The following PARP14 variants were observed in gnomAD, a reference collection of about 807,000 sequenced individuals.
The protein encoded by PARP14 is protein mono-ADP-ribosyltransferase PARP14.
In PARP14, 59 loss-of-function variants were observed where a neutral mutation model predicts 154.2. The observed-to-expected ratio is 0.38, with a 90% CI of 0.31 to 0.48. The LOEUF (loss-of-function observed/expected upper bound fraction) is 0.48. PARP14 is among the 20% of genes least tolerant of loss of function. The pLI is 0.98. For synonymous variants in PARP14, 720 were observed against 780.5 expected, an observed-to-expected ratio of 0.92 and a Z score of 1.29; for missense variants, 1,734 against 2,131.6, an observed-to-expected ratio of 0.81 and a Z score of 3.67.
chr3:122,725,081 T>C (rs192526722), intron 15 of PARP14, among the ~76,000 whole-genome samples: 2 of 152,336 alleles, frequency 1.3e-5, no homozygotes, highest in East Asian at 3.9e-4. Flanking sequence ...ATCTGTTCTC[T>C]CTTTTCCCCA....
Position 122,700,069 on chromosome 3 carries a change from T to G in PARP14, c.1515T>G (p.Thr505=), listed in dbSNP as rs562380859. Residue 505 remains threonine (T), a synonymous_variant, in exon 6 of 17, where the codon ACT becomes ACG. Transcript: ENST00000474629. ...TAGAGATTTGTTACGATAGAGTCAC[T>G]CAACACTTGTGCTTGAAAGGACCTA... ...PEIEICYDRV[T]QHLCLKGPSA... is the part of the protein sequence containing the mutation. 6.2e-7 allele frequency: 1 copy of G among 1,613,868 alleles called. No homozygotes were observed. The highest frequency in any genetic ancestry group is 2.2e-5 in the East Asian group (1 of 44,882).
intron 2 of PARP14, chr3:122,686,812 T>A: frequency 2.7e-6 from 1 of 373,056 alleles, no homozygotes; most frequent in Non-Finnish European, 4.8e-6. Context: ...AAGATGTTTC[T>A]CTGATGTAGG....
At position 122,712,853 on chromosome 3, in the gene PARP14, G is replaced by A. The variant is rs959200653; in HGVS notation, c.3620-571G>A. Among the ~76,000 whole-genome samples, 10 of 152,222 alleles carry A rather than the reference G, an allele frequency of 6.6e-5. 1 individual carries two copies. The South Asian group carries it at 2.1e-3, about 32-fold the overall frequency. On this transcript the variant is annotated intron_variant, in intron 9 of 16. Coordinates refer to ENST00000474629, the MANE Select transcript of PARP14 (RefSeq NM_017554.3). ...CAGACATGAGCCATTGTGTCTGGCTGGATTGACAGCTTTTGATTTTCTTTA... is the reference window on the plus strand; with the variant it reads ...CAGACATGAGCCATTGTGTCTGGCTAGATTGACAGCTTTTGATTTTCTTTA...
chr3:122,719,151 A>C (rs1464267100), intron 14 of PARP14, among the ~76,000 whole-genome samples, 193 bp downstream of exon 14: 1 of 152,216 alleles, frequency 6.6e-6, no homozygotes, highest in Non-Finnish European at 1.5e-5. Flanking sequence ...TGTACCCAAA[A>C]GCCTGAAGAT....
chr3:122,717,411 G>A (rs1933027274), intron 12 of PARP14, among the ~76,000 whole-genome samples: 1 of 152,206 alleles, frequency 6.6e-6, no homozygotes, highest in Admixed American at 6.5e-5. Flanking sequence ...AACAGGAAAC[G>A]CTCTGCTTCA....
chr3:122,685,382 C>T, intron 2 of PARP14, 64 bp downstream of exon 2: 1 of 1,441,934 alleles, frequency 6.9e-7, no homozygotes, highest in Non-Finnish European at 9.6e-7. Flanking sequence ...AGATGGGAAT[C>T]ACCATGAAGA....
Position 122,730,798 on chromosome 3 carries a change from T to C in PARP14, c.*2201T>C, listed in dbSNP as rs1933408122. ...TTATCCTCAATCTAAATATGTCAAC[T>C]GTCATTTTGCTACTTTTCAAATAAA... On this transcript the variant is annotated 3_prime_UTR_variant, in exon 17 of 17. Coordinates refer to ENST00000474629, the MANE Select transcript of PARP14 (RefSeq NM_017554.3). 2 of 152,672 alleles carry C rather than the reference T, an allele frequency of 1.3e-5. No individual in the cohort carries two copies. Among genetic ancestry groups the C allele is most frequent in the African/African-American group, 4.8e-5 (2 of 41,466 alleles). The allele number at this position is 152,672 out of a possible 1,614,324, so 9.5% of individuals were successfully genotyped here.
chr3:122,714,168 A>T, intron 11 of PARP14, 94 bp from the exon 12 acceptor site: 1 of 1,083,092 alleles, frequency 9.2e-7, no homozygotes, highest in Non-Finnish European at 1.3e-6. Context: ...TTTTTTCACA[A>T]AATGCTTACT....
intron 1 of PARP14, chr3:122,683,358 T>C: frequency 1.2e-6 from 1 of 857,796 alleles, no homozygotes; most frequent in Non-Finnish European, 1.4e-6. Flanking sequence ...AATAGGCAGA[T>C]AACAAGAATG....
intron 8 of PARP14, among the ~76,000 whole-genome samples, chr3:122,707,797 C>T (rs573666550): frequency 2.6e-5 from 4 of 152,168 alleles, no homozygotes; most frequent in South Asian, 2.1e-4. Context: ...GCCTGGGCAA[C>T]ACAGCAAGAC....
intron 7 of PARP14, 109 bp downstream of exon 7, chr3:122,704,087 A>G (rs1016606468): frequency 5.4e-6 from 4 of 735,966 alleles, no homozygotes; most frequent in Non-Finnish European, 9.3e-6. Context: ...CTCTTCCATA[A>G]TAATCACTCT....
Position 122,714,149 on chromosome 3 carries a change from G to GA in PARP14, c.3833-112dup, listed in dbSNP as rs1288881954. The GA allele has an allele frequency of 5.2e-5, 46 of 888,834 alleles. No individual in the cohort carries two copies. The African/African-American group carries it at 7.9e-4, about 15-fold the overall frequency. The allele number at this position is 888,834 out of a possible 1,614,324, so 55.1% of individuals were successfully genotyped here. A position where few individuals can be genotyped will look rare whatever the true frequency, so the allele number is the denominator to read the frequency against. On this transcript the variant is annotated intron_variant, in intron 11 of 16. Coordinates refer to ENST00000474629, the MANE Select transcript of PARP14 (RefSeq NM_017554.3). Reference sequence around the variant, plus strand: ...CATTCCATCAAAGATAGTATTTCAGGAGTTTTTTTTTTTTCACAAAATGCT... The same window carrying GA: ...CATTCCATCAAAGATAGTATTTCAGGAAGTTTTTTTTTTTTCACAAAATGCT...
chr3:122,683,312 C>T, intron 1 of PARP14: 1 of 983,138 alleles, frequency 1.0e-6, no homozygotes, highest in African/African-American at 1.7e-5. Context: ...CAGGTGCGGG[C>T]CCATAGCATA....
At chr3:122,719,099 G>C in intron 14 of PARP14, 141 bp downstream of exon 14, 1 of 802,918 alleles carries the variant, frequency 1.2e-6, no homozygotes, top group Non-Finnish European at 1.9e-6. Context: ...TGGCCTCTGC[G>C]CTTAAAGAGC....
chr3:122,715,626 CT>C (rs1334594737), intron 12 of PARP14, among the ~76,000 whole-genome samples: 1 of 151,592 alleles, frequency 6.6e-6, no homozygotes, highest in Admixed American at 6.6e-5. Context: ...ATCTATCTAT[CT>C]ATCTATCTAT....
rs757806670 is a variant in PARP14, at chr3:122,701,347, C to T, written c.2793C>T (p.Gly931=). 7 of 1,614,028 alleles carry T rather than the reference C, an allele frequency of 4.3e-6. No individual in the cohort carries two copies. Among genetic ancestry groups the T allele is most frequent in the Non-Finnish European group, 5.9e-6 (7 of 1,179,892 alleles). The change falls in exon 6 of 17, where the codon GGC becomes GGT. Residue 931 remains glycine (G), a synonymous_variant. Transcript: ENST00000474629. The surrounding 1 kb of genome is among the most constrained non-coding windows in gnomAD (Gnocchi z 4.0). ...CTGGAGTCTTTGGCTTTCCCTTAGG[C>T]CGATGCGTGGAGACCATTGTTTCTG... is the stretch of plus-strand genomic sequence containing the variant. ...ISSGVFGFPL[G]RCVETIVSAI... is the part of the protein sequence containing the mutation.
At position 122,703,979 on chromosome 3, in the gene PARP14, G is replaced by A; in HGVS notation, c.3318+1G>A. 1 of 1,607,120 alleles carries A rather than the reference G, an allele frequency of 6.2e-7. No individual in the cohort carries two copies. Among genetic ancestry groups the A allele is most frequent in the Non-Finnish European group, 8.5e-7 (1 of 1,173,650 alleles). ...AAATGGTAGCACATCTTCACTCAAG[G>A]TTGGGCCTGGTTTTGAATTCTCCAT... On this transcript the variant is annotated splice_donor_variant, in intron 7 of 16. Coordinates refer to ENST00000474629, the MANE Select transcript of PARP14 (RefSeq NM_017554.3). LOFTEE classifies it high-confidence loss of function.
chr3:122,686,708 C>T (rs1938386012), intron 2 of PARP14: 2 of 173,128 alleles, frequency 1.2e-5, no homozygotes, highest in African/African-American at 4.8e-5. Context: ...CTCAAGCGAT[C>T]CTCCCACACT....
intron 3 of PARP14, among the ~76,000 whole-genome samples, chr3:122,691,276 T>C (rs754850358): frequency 6.6e-6 from 1 of 152,204 alleles, no homozygotes; most frequent in Non-Finnish European, 1.5e-5. Flanking sequence ...TTGAACACGA[T>C]AAGAGTCCCC....
Sources: allele counts gnomAD v4.1 joint callset (sites outside exome capture counted in the v4.1 genomes callset), GRCh38; gene constraint gnomAD v4.1.1; non-coding constraint Gnocchi (gnomAD v3.1); transcripts MANE v1.5; gene names NCBI Gene and HGNC (gene_info 2026-07-23, HGNC 2026-07-21).